Variants in PHACTR3 observed in about 807,000 individuals in gnomAD.
PHACTR3 encodes phosphatase and actin regulator 3, also known as protein phosphatase 1, regulatory subunit 123.
In PHACTR3, 16 loss-of-function variants were observed where a neutral mutation model predicts 66.8. The ratio of observed to expected loss-of-function variants is 0.24; its 90% confidence interval spans 0.16 to 0.36. The LOEUF (loss-of-function observed/expected upper bound fraction) is 0.36. PHACTR3 is among the 10% of genes least tolerant of loss of function. The probability of loss-of-function intolerance (pLI) is 1.00; values close to 1 mark genes in which losing one functional copy is unlikely to be tolerated. For synonymous variants in PHACTR3, 323 were observed against 292.1 expected (o/e 1.11, Z -1.08); for missense variants, 647 against 719.9 (o/e 0.90, Z 1.16).
At chr20:59,621,091 T>A (rs1183859577) in intron 1 of PHACTR3, among the ~76,000 whole-genome samples, 1 of 152,198 alleles carries the variant, frequency 6.6e-6, no homozygotes, top group East Asian at 1.9e-4. Context: ...TTGTCTGAGC[T>A]CTTTCTTGCT....
At chr20:59,806,785 G>A (rs948742344) in intron 8 of PHACTR3, among the ~76,000 whole-genome samples, 17 of 152,322 alleles carry the variant, frequency 1.1e-4, no homozygotes, top group African/African-American at 4.1e-4. Flanking sequence ...AAACCCAGAG[G>A]GCGCGGTCTG....
intron 8 of PHACTR3, among the ~76,000 whole-genome samples, chr20:59,824,122 C>CT (rs1491532759): frequency 6.6e-6 from 1 of 152,226 alleles, no homozygotes; most frequent in African/African-American, 2.4e-5. Flanking sequence ...AGCCAGGACA[C>CT]TCTCCTTGAC....
At chr20:59,585,902 T>C (rs543585150) in intron 1 of PHACTR3, among the ~76,000 whole-genome samples, 5 of 152,370 alleles carry the variant, frequency 3.3e-5, no homozygotes, top group Non-Finnish European at 5.9e-5. Context: ...GAAGTGGGCA[T>C]GTGGCCTCTT....
At position 59,738,044 on chromosome 20, in the gene PHACTR3, C is replaced by A. The variant is rs965083431; in HGVS notation, c.119-5063C>A. On this transcript the variant is annotated intron_variant, in intron 1 of 12. Transcript: ENST00000371015. The surrounding 1 kb of genome is among the most constrained non-coding windows in gnomAD (Gnocchi z 4.4). ...AAATAGTGCAGGTAGTGACGGTGGT[C>A]CTGGCAGTGATGGTGGTAGGGAGGG... Among the ~76,000 whole-genome samples, 3 of 152,056 alleles carry A rather than the reference C, an allele frequency of 2.0e-5. No homozygotes were observed. Among genetic ancestry groups the A allele is most frequent in the African/African-American group, 7.2e-5 (3 of 41,406 alleles).
chr20:59,626,128 C>T (rs2034437389), intron 1 of PHACTR3, among the ~76,000 whole-genome samples: 1 of 152,198 alleles, frequency 6.6e-6, no homozygotes, highest in Non-Finnish European at 1.5e-5. Flanking sequence ...TGAACTCTCC[C>T]TCCAGAATTC....
intron 1 of PHACTR3, among the ~76,000 whole-genome samples, chr20:59,642,854 G>A (rs1050863770): frequency 2.0e-5 from 3 of 152,182 alleles, no homozygotes; most frequent in Non-Finnish European, 4.4e-5. Flanking sequence ...TACAGAAAGA[G>A]CTCTCTGGTT....
intron 4 of PHACTR3, among the ~76,000 whole-genome samples, chr20:59,763,890 C>T (rs1281935686): frequency 6.6e-6 from 1 of 152,086 alleles, no homozygotes; most frequent in African/African-American, 2.4e-5. Context: ...GGCCCTGGCT[C>T]AGTGAGGGGG....
chr20:59,737,546 ATGTGTG>A (rs1445080961), intron 1 of PHACTR3, among the ~76,000 whole-genome samples: 1 of 151,682 alleles, frequency 6.6e-6, no homozygotes, highest in African/African-American at 2.4e-5. Context: ...GTGCATGTGC[ATGTGTG>A]TGTCTCTGTG....
At chr20:59,593,105 A>G (rs774301803) in intron 1 of PHACTR3, among the ~76,000 whole-genome samples, 3 of 152,242 alleles carry the variant, frequency 2.0e-5, no homozygotes, top group Non-Finnish European at 4.4e-5. Context: ...ACCATTTTGC[A>G]TTCTCAGCAG....
At chr20:59,778,052 G>A (rs2040597951) in intron 7 of PHACTR3, among the ~76,000 whole-genome samples, 1 of 152,140 alleles carries the variant, frequency 6.6e-6, no homozygotes, top group Non-Finnish European at 1.5e-5. Flanking sequence ...CTGATGTCCG[G>A]ATGACCCTGA....
At chr20:59,745,654 A>T (rs1370107927) in intron 2 of PHACTR3, among the ~76,000 whole-genome samples, 25 of 152,226 alleles carry the variant, frequency 1.6e-4, no homozygotes, top group Non-Finnish European at 4.4e-5. Context: ...TGATTGAAAG[A>T]GAAATATGTA....
intron 7 of PHACTR3, among the ~76,000 whole-genome samples, chr20:59,803,233 T>G (rs2041469470): frequency 6.6e-6 from 1 of 152,242 alleles, no homozygotes; most frequent in Admixed American, 6.5e-5. Context: ...TGAAACATTC[T>G]TCTCAAAATT....
chr20:59,825,588 T>G (rs1466035275), intron 8 of PHACTR3, among the ~76,000 whole-genome samples: 4 of 152,104 alleles, frequency 2.6e-5, no homozygotes, highest in Admixed American at 2.0e-4. Context: ...ATTCTGGCCA[T>G]GAAGGCCACA....
chr20:59,740,425 C>T (rs2043832256), intron 1 of PHACTR3, among the ~76,000 whole-genome samples: 1 of 152,120 alleles, frequency 6.6e-6, no homozygotes, highest in African/African-American at 2.4e-5. Flanking sequence ...CCTCCTGTCT[C>T]CGACTCTTAA....
chr20:59,708,746 T>C (rs2037809586), intron 1 of PHACTR3, among the ~76,000 whole-genome samples: 1 of 152,188 alleles, frequency 6.6e-6, no homozygotes, highest in Non-Finnish European at 1.5e-5. Flanking sequence ...TCTTCTTTAT[T>C]CAGAGACTTA....
chr20:59,706,226 T>C (rs2037696733), intron 1 of PHACTR3, among the ~76,000 whole-genome samples: 1 of 152,040 alleles, frequency 6.6e-6, no homozygotes, highest in South Asian at 2.1e-4. Flanking sequence ...CAAAAGACAA[T>C]AGGGTTGATT....
chr20:59,823,372 G>A (rs6070961), intron 8 of PHACTR3, among the ~76,000 whole-genome samples: 81,224 of 151,944 alleles, frequency 0.53, 24,561 homozygotes, highest in Non-Finnish European at 0.68. Context: ...TAGATCCTTC[G>A]CTCGGCATCA....
chr20:59,722,854 C>T lies in PHACTR3; in HGVS notation c.119-20253C>T, dbSNP rs879416929. Among the ~76,000 whole-genome samples, 14 of 151,974 alleles carry T rather than the reference C, an allele frequency of 9.2e-5. No individual in the cohort carries two copies. The East Asian group carries it at 2.1e-3, about 23-fold the overall frequency. The stretch of plus-strand genomic sequence containing the variant: ...GGGGCATGGGGGTGGTGGTGAGCAC[C>T]GCAGCTTGTAAGAGGCAAGCTTGTG... On this transcript the variant is annotated intron_variant, in intron 1 of 12. Coordinates refer to ENST00000371015, the MANE Select transcript of PHACTR3 (RefSeq NM_080672.5).
At chr20:59,798,576 G>A (rs1371203317) in intron 7 of PHACTR3, among the ~76,000 whole-genome samples, 2 of 151,898 alleles carry the variant, frequency 1.3e-5, no homozygotes, top group Admixed American at 6.6e-5. Context: ...TCTTAAGTGA[G>A]GTTTGGTAGT....
Sources: gnomAD v4.1 joint callset for allele counts (sites outside exome capture counted in the v4.1 genomes callset) on GRCh38, gnomAD v4.1.1 for gene constraint, Gnocchi (gnomAD v3.1) non-coding constraint, MANE v1.5 for transcripts, NCBI Gene and HGNC (gene_info 2026-07-23, HGNC 2026-07-21) for gene names.